The following ZCCHC14 variants were observed in gnomAD, a reference collection of about 807,000 sequenced individuals.
ZCCHC14 encodes zinc finger CCHC-type containing 14.
In ZCCHC14, 16 loss-of-function variants were observed where a neutral mutation model predicts 85.0. The observed-to-expected ratio is 0.19, with a 90% CI of 0.13 to 0.29. ZCCHC14 has a LOEUF of 0.29. ZCCHC14 is among the 10% of genes least tolerant of loss of function. The pLI is 1.00. For synonymous variants in ZCCHC14, 775 were observed against 630.7 expected, an observed-to-expected ratio of 1.23 and a Z score of -3.43; for missense variants, 1,303 against 1,443.5, an observed-to-expected ratio of 0.90 and a Z score of 1.58.
intron 3 of ZCCHC14, among the ~76,000 whole-genome samples, chr16:87,426,384 T>A (rs1320431369): frequency 1.3e-5 from 2 of 152,324 alleles, no homozygotes; most frequent in African/African-American, 4.8e-5. Flanking sequence ...GTGTTGCCAA[T>A]TAGATTCTGG....
chr16:87,459,568 G>C (rs978783732), intron 2 of ZCCHC14, among the ~76,000 whole-genome samples: 1 of 150,442 alleles, frequency 6.6e-6, no homozygotes, highest in Non-Finnish European at 1.5e-5. Context: ...GGAGTGCAAT[G>C]GCGTGATCTT....
intron 2 of ZCCHC14, among the ~76,000 whole-genome samples, chr16:87,453,092 G>C (rs888910117): frequency 6.6e-6 from 1 of 152,240 alleles, no homozygotes; most frequent in Non-Finnish European, 1.5e-5. Flanking sequence ...GAACAAGCTG[G>C]AAGATGGAAC....
chr16:87,459,951 G>T, intron 2 of ZCCHC14, 57 bp downstream of exon 2: 1 of 1,612,120 alleles, frequency 6.2e-7, no homozygotes, highest in Non-Finnish European at 8.5e-7. Flanking sequence ...CGGGGATCTG[G>T]GGTGTGCCCA....
At chr16:87,413,237 C>T (rs1368269849) in intron 10 of ZCCHC14, 42 bp from the exon 11 acceptor site, 1 of 1,481,386 alleles carries the variant, frequency 6.8e-7, no homozygotes, top group Non-Finnish European at 8.9e-7. Flanking sequence ...ACTAGCGCCC[C>T]TGCAGGCTCA....
chr16:87,452,464 C>G (rs953003497), intron 2 of ZCCHC14, among the ~76,000 whole-genome samples: 4 of 152,210 alleles, frequency 2.6e-5, no homozygotes, highest in African/African-American at 9.6e-5. Flanking sequence ...GGCTGCAGAA[C>G]AGGCTTGGGT....
intron 3 of ZCCHC14, among the ~76,000 whole-genome samples, chr16:87,427,075 A>C (rs1428892746): frequency 1.3e-5 from 2 of 152,250 alleles, no homozygotes; most frequent in Admixed American, 6.5e-5. Flanking sequence ...CAGCTTTCTA[A>C]GTCCTTGTCA....
intron 3 of ZCCHC14, among the ~76,000 whole-genome samples, chr16:87,424,086 G>C (rs999415137): frequency 1.3e-5 from 2 of 152,190 alleles, no homozygotes; most frequent in South Asian, 4.1e-4. Flanking sequence ...AGTCTAACTT[G>C]TTTTATGCAA....
chr16:87,469,843 A>G (rs1911699898), intron 1 of ZCCHC14, among the ~76,000 whole-genome samples: 1 of 152,168 alleles, frequency 6.6e-6, no homozygotes, highest in African/African-American at 2.4e-5. Flanking sequence ...GGATGAGGAC[A>G]GAGCCACCCA....
At position 87,488,580 on chromosome 16, in the gene ZCCHC14, T is replaced by TA. The variant is rs1314768829; in HGVS notation, c.570+3088dup. ...TCGGAAAATACAGTTAAAATAAATT[T>TA]AAAAAAAATTTTTTGAGACACAGTC... On this transcript the variant is annotated intron_variant, in intron 1 of 12. Coordinates refer to ENST00000671377, the MANE Select transcript of ZCCHC14 (RefSeq NM_015144.3). Among the ~76,000 whole-genome samples, 5 of 152,248 alleles carry TA rather than the reference T, an allele frequency of 3.3e-5. No individual in the cohort carries two copies. In the South Asian group the frequency reaches 1.0e-3, roughly 32 times the overall value.
intron 1 of ZCCHC14, among the ~76,000 whole-genome samples, chr16:87,466,137 A>T (rs1184852043): frequency 6.9e-6 from 1 of 145,804 alleles, no homozygotes; most frequent in Admixed American, 6.8e-5. Context: ...TTTTTTTTAA[A>T]AAAAGGTTTG....
At chr16:87,455,863 CTG>C (rs1340470800) in intron 2 of ZCCHC14, among the ~76,000 whole-genome samples, 1 of 152,156 alleles carries the variant, frequency 6.6e-6, no homozygotes, top group African/African-American at 2.4e-5. Context: ...ATGAAGTGGG[CTG>C]TGTGTTAGAT....
At chr16:87,432,903 C>T (rs1404517645) in intron 3 of ZCCHC14, among the ~76,000 whole-genome samples, 1 of 152,128 alleles carries the variant, frequency 6.6e-6, no homozygotes, top group Non-Finnish European at 1.5e-5. Flanking sequence ...ACTGACAACC[C>T]CAGGCCCTGC....
intron 2 of ZCCHC14, among the ~76,000 whole-genome samples, chr16:87,452,830 G>C (rs1910770325): frequency 6.6e-6 from 1 of 152,176 alleles, no homozygotes; most frequent in African/African-American, 2.4e-5. Context: ...GCTGAGGCTG[G>C]GGTGAGTGGT....
intron 1 of ZCCHC14, among the ~76,000 whole-genome samples, chr16:87,479,489 C>CA (rs1912171072): frequency 1.3e-5 from 2 of 151,416 alleles, no homozygotes; most frequent in South Asian, 4.2e-4. Context: ...ATGCAAATGT[C>CA]CCAAATAATT....
chr16:87,413,348 C>T (rs1029382721), intron 10 of ZCCHC14, among the ~76,000 whole-genome samples, 153 bp from the exon 11 acceptor site: 10 of 152,220 alleles, frequency 6.6e-5, no homozygotes, highest in African/African-American at 1.7e-4. Flanking sequence ...CCAGGCCGCA[C>T]GGTGACGGAT....
chr16:87,459,829 T>A (rs1398015692), intron 2 of ZCCHC14, among the ~76,000 whole-genome samples, 179 bp downstream of exon 2: 1 of 152,186 alleles, frequency 6.6e-6, no homozygotes, highest in Non-Finnish European at 1.5e-5. Flanking sequence ...AAAACATCAA[T>A]AATTGAGATT....
Position 87,426,145 on chromosome 16 carries a change from G to T in ZCCHC14, c.769-2264C>A, listed in dbSNP as rs146234403. Among the ~76,000 whole-genome samples, 1,232 of 152,288 alleles carry T rather than the reference G, an allele frequency of 8.1e-3. 8 individuals are homozygous for T. Among genetic ancestry groups the T allele is most frequent in the Admixed American group, 0.012 (182 of 15,292 alleles). On this transcript the variant is annotated intron_variant, in intron 3 of 12. Coordinates refer to ENST00000671377, the MANE Select transcript of ZCCHC14 (RefSeq NM_015144.3). ...GCTCGCTCTGCAGGTGATGCTGGCT[G>T]ATGGCTAAGCTGCAGCAGCCACGAT...
intron 2 of ZCCHC14, among the ~76,000 whole-genome samples, chr16:87,441,479 T>C (rs948146068): frequency 6.6e-6 from 1 of 152,178 alleles, no homozygotes; most frequent in Non-Finnish European, 1.5e-5. Context: ...ATATTTATTG[T>C]TTAAGTCTGT....
intron 10 of ZCCHC14, among the ~76,000 whole-genome samples, chr16:87,413,695 G>A (rs1908612289): frequency 6.6e-6 from 1 of 152,070 alleles, no homozygotes; most frequent in Non-Finnish European, 1.5e-5. Context: ...AGGGGAGGAT[G>A]AAAACCAAAT....
Sources: allele counts gnomAD v4.1 joint callset (sites outside exome capture counted in the v4.1 genomes callset), GRCh38; gene constraint gnomAD v4.1.1; transcripts MANE v1.5; gene names NCBI Gene and HGNC (gene_info 2026-07-23, HGNC 2026-07-21).